ADRA1A: variants seen among roughly 807,000 people sequenced by gnomAD.
ADRA1A encodes alpha-1A adrenergic receptor.
ADRA1A carries 31 observed loss-of-function variants against 29.6 expected under a neutral mutation model. That is an observed-to-expected ratio of 1.05 (90% confidence interval 0.79 to 1.41). The LOEUF (loss-of-function observed/expected upper bound fraction) is 1.41, where lower values mean the gene tolerates loss of function less well. Among genes scored for constraint, ADRA1A ranks in the 40% most tolerant of loss-of-function variants. The pLI is 0.00. For missense variants in ADRA1A, 619 were observed against 601.1 expected, an observed-to-expected ratio of 1.03 and a Z score of -0.31; for synonymous variants, 311 against 254.3, an observed-to-expected ratio of 1.22 and a Z score of -2.12.
At chr8:26,761,899 A>G (rs1478055155), downstream of ADRA1A, among the ~76,000 whole-genome samples, 1 of 152,214 alleles carries the variant, frequency 6.6e-6, no homozygotes, top group African/African-American at 2.4e-5. Context: ...ACAGGGACGA[A>G]GAGCAGAGCG....
At chr8:26,861,285 C>T (rs1468633550) in intron 2 of ADRA1A, among the ~76,000 whole-genome samples, 2 of 148,494 alleles carry the variant, frequency 1.3e-5, no homozygotes, top group African/African-American at 2.5e-5. Flanking sequence ...TTTTCCTGAC[C>T]TGACCCCCAG....
intron 2 of ADRA1A, among the ~76,000 whole-genome samples, chr8:26,847,666 C>T (rs533049453): frequency 3.9e-5 from 6 of 152,316 alleles, no homozygotes; most frequent in South Asian, 2.1e-4. Flanking sequence ...TGGGCAAAGA[C>T]GACTGCTCTG....
chr8:26,790,833 T>C (rs543663932), intron 2 of ADRA1A, among the ~76,000 whole-genome samples: 1 of 152,328 alleles, frequency 6.6e-6, no homozygotes, highest in African/African-American at 2.4e-5. Context: ...AAGTTTGATC[T>C]ATATTCAGGC....
At chr8:26,792,508 T>C (rs1585700609) in intron 2 of ADRA1A, among the ~76,000 whole-genome samples, 1 of 151,450 alleles carries the variant, frequency 6.6e-6, no homozygotes. Flanking sequence ...TTAATGCATA[T>C]AGACTGGAAG....
At chr8:26,804,021 A>G (rs530637514) in intron 2 of ADRA1A, among the ~76,000 whole-genome samples, 11 of 145,116 alleles carry the variant, frequency 7.6e-5, no homozygotes, top group African/African-American at 2.9e-4. Context: ...TCCTGGGCTC[A>G]AGAGATCCTT....
chr8:26,836,879 A>G (rs998440834), intron 2 of ADRA1A, among the ~76,000 whole-genome samples: 1 of 152,136 alleles, frequency 6.6e-6, no homozygotes, highest in Admixed American at 6.5e-5. Flanking sequence ...GGGAGTGCTT[A>G]GGTCCCTTCA....
intron 2 of ADRA1A, among the ~76,000 whole-genome samples, chr8:26,779,739 T>C (rs1054172742): frequency 6.6e-5 from 10 of 152,176 alleles, no homozygotes; most frequent in Admixed American, 6.5e-5. Flanking sequence ...TGCGTCTGCA[T>C]AGGGGCCCAG....
At chr8:26,770,691 A>G (rs763590773) in intron 2 of ADRA1A, 25 bp from the exon 3 acceptor site, 1 of 1,566,788 alleles carries the variant, frequency 6.4e-7, no homozygotes, top group Non-Finnish European at 8.6e-7. Context: ...ACAGATTTAT[A>G]CATATTATTT....
downstream of ADRA1A, among the ~76,000 whole-genome samples, chr8:26,766,935 G>A (rs767572353): frequency 8.5e-5 from 13 of 152,068 alleles, no homozygotes; most frequent in Non-Finnish European, 1.6e-4. Flanking sequence ...GAATATTTTG[G>A]AGAGTGTTAG....
At chr8:26,857,514 T>G (rs1813137295) in intron 2 of ADRA1A, among the ~76,000 whole-genome samples, 1 of 151,940 alleles carries the variant, frequency 6.6e-6, no homozygotes, top group African/African-American at 2.4e-5. Context: ...AAAAATAAAA[T>G]ATAAAAATTA....
At position 26,805,071 on chromosome 8, in the gene ADRA1A, A is replaced by G. The variant is rs1424029074; in HGVS notation, c.884-34405T>C. The stretch of plus-strand genomic sequence containing the variant: ...GACATTATTTCTGGAGATAAAGAGT[A>G]TGGCTCTGAATTTTGTTTCTAATGC... On this transcript the variant is annotated intron_variant, in intron 2 of 2. Transcript: ENST00000380573. The surrounding 1 kb of genome is among the most constrained non-coding windows in gnomAD (Gnocchi z 4.8). Among the ~76,000 whole-genome samples, 1 of 152,184 alleles carries G rather than the reference A, an allele frequency of 6.6e-6. No individual in the cohort carries two copies. The highest frequency in any genetic ancestry group is 1.5e-5 in the Non-Finnish European group (1 of 68,026).
chr8:26,781,360 C>T (rs1031023773), intron 2 of ADRA1A, among the ~76,000 whole-genome samples: 6 of 152,208 alleles, frequency 3.9e-5, no homozygotes, highest in African/African-American at 1.4e-4. Context: ...ATACACCCTC[C>T]TTCTTATCCT....
At chr8:26,772,738 T>C (rs1240429250) in intron 2 of ADRA1A, among the ~76,000 whole-genome samples, 1 of 152,128 alleles carries the variant, frequency 6.6e-6, no homozygotes, top group East Asian at 1.9e-4. Context: ...AGCTCATCAA[T>C]ATAAACAAAG....
chr8:26,795,591 A>G (rs1269208544), intron 2 of ADRA1A, among the ~76,000 whole-genome samples: 1 of 152,178 alleles, frequency 6.6e-6, no homozygotes, highest in Non-Finnish European at 1.5e-5. Flanking sequence ...AACCCTAAAA[A>G]TAAAACAAAT....
At chr8:26,789,278 G>A (rs4487777) in intron 2 of ADRA1A, among the ~76,000 whole-genome samples, 51,351 of 152,046 alleles carry the variant, frequency 0.34, 10,015 homozygotes, top group East Asian at 0.84. Flanking sequence ...AAGCTACAGT[G>A]ATCAAAACAG....
chr8:26,803,919 C>CTTTTTTTTTTTTTTTTTTTTTTTTTT (rs34314160), intron 2 of ADRA1A, among the ~76,000 whole-genome samples: 1 of 95,246 alleles, frequency 1.0e-5, no homozygotes, highest in African/African-American at 4.4e-5. Context: ...TGGAAGTTTC[C>CTTTTTTTTTTTTTTTTTTTTTTTTTT]TTTTTTTTTT....
intron 2 of ADRA1A, among the ~76,000 whole-genome samples, chr8:26,760,499 A>G (rs1341777009): frequency 6.6e-6 from 1 of 152,208 alleles, no homozygotes; most frequent in African/African-American, 2.4e-5. Context: ...GAGTAGAGGA[A>G]AACTACATGA....
At chr8:26,857,357 G>A (rs13278849) in intron 2 of ADRA1A, among the ~76,000 whole-genome samples, 97,079 of 151,998 alleles carry the variant, frequency 0.64, 32,868 homozygotes, top group South Asian at 0.78. Context: ...TAACTGAAAC[G>A]CTGGCTTCTT....
chr8:26,863,660 G>A (rs1314734752), intron 2 of ADRA1A, among the ~76,000 whole-genome samples: 1 of 152,140 alleles, frequency 6.6e-6, no homozygotes, highest in Non-Finnish European at 1.5e-5. Flanking sequence ...TCCAGAATAA[G>A]CATGGTACTT....
Sources: allele counts gnomAD v4.1 joint callset (sites outside exome capture counted in the v4.1 genomes callset), GRCh38; gene constraint gnomAD v4.1.1; non-coding constraint Gnocchi (gnomAD v3.1); transcripts MANE v1.5; gene names NCBI Gene and HGNC (gene_info 2026-07-23, HGNC 2026-07-21).